Variants in JKAMP observed in about 807,000 individuals in gnomAD.
JKAMP encodes the protein JNK1/MAPK8 associated membrane protein.
In JKAMP, 20 loss-of-function variants were observed where a neutral mutation model predicts 40.2. The ratio of observed to expected loss-of-function variants is 0.50; its 90% CI spans 0.35 to 0.72. The LOEUF is 0.72. Among genes scored for constraint, JKAMP ranks in the 30% least tolerant of loss-of-function variants. The pLI, the probability that JKAMP is intolerant of heterozygous loss-of-function variation, is 0.01. For missense variants in JKAMP, 276 were observed against 373.0 expected (o/e 0.74, Z 2.14); for synonymous variants, 138 against 131.6 (o/e 1.05, Z -0.33).
chr14:59,485,042 A>G (rs750974785), intron 1 of JKAMP: 3 of 1,598,308 alleles, frequency 1.9e-6, no homozygotes, highest in Non-Finnish European at 8.5e-7. Flanking sequence ...ATGGAATCTT[A>G]AAACTTTAGC....
chr14:59,490,281 T>G (rs919364775), intron 3 of JKAMP, among the ~76,000 whole-genome samples: 2 of 152,198 alleles, frequency 1.3e-5, no homozygotes, highest in African/African-American at 4.8e-5. Context: ...ACTCACTCAT[T>G]ACTGTGAGCA....
intron 6 of JKAMP, among the ~76,000 whole-genome samples, chr14:59,502,050 G>C (rs1483178498): frequency 6.6e-6 from 1 of 152,094 alleles, no homozygotes; most frequent in East Asian, 1.9e-4. Flanking sequence ...AAGTAGTAGT[G>C]TATTTGACTC....
At chr14:59,503,731 T>TCAAA (rs1892122002) in intron 6 of JKAMP, 123 bp from the exon 7 acceptor site, 1 of 630,608 alleles carries the variant, frequency 1.6e-6, no homozygotes. Flanking sequence ...CTTTTTTAGC[T>TCAAA]CAAACATTTT....
At chr14:59,486,579 C>T in intron 1 of JKAMP, 134 bp from the exon 2 acceptor site, 1 of 652,916 alleles carries the variant, frequency 1.5e-6, no homozygotes, top group South Asian at 1.8e-5. Context: ...TTTAAAAATG[C>T]TTCAAGACTT....
Position 59,501,378 on chromosome 14 carries a change from T to C in JKAMP, c.717+111T>C. Reference sequence around the variant, plus strand: ...TACAACTAATTGTTTTAGTAATCTTTGGCTGATTGATGCCACTTGGTAGCT... The same window carrying C: ...TACAACTAATTGTTTTAGTAATCTTCGGCTGATTGATGCCACTTGGTAGCT... On this transcript the variant is annotated intron_variant, in intron 6 of 6. Transcript: ENST00000616435. The C allele has an allele frequency of 6.0e-6, 4 of 663,774 alleles. No individual in the cohort carries two copies. The South Asian group carries it at 8.5e-5, about 14-fold the overall frequency. The allele number at this position is 663,774 out of a possible 1,614,324, so 41.1% of individuals were successfully genotyped here. A position where few individuals can be genotyped will look rare whatever the true frequency, so the allele number is the denominator to read the frequency against.
chr14:59,484,777 C>A (rs929598614), intron 1 of JKAMP, 184 bp downstream of exon 1: 2 of 930,734 alleles, frequency 2.1e-6, no homozygotes, highest in Non-Finnish European at 1.6e-6. Flanking sequence ...CTGTCCGCAA[C>A]GGGCTACTAG....
intron 3 of JKAMP, among the ~76,000 whole-genome samples, chr14:59,491,786 TG>T (rs1343227471): frequency 6.6e-6 from 1 of 152,138 alleles, no homozygotes; most frequent in Non-Finnish European, 1.5e-5. Flanking sequence ...GGCAGGCAGT[TG>T]GGATGAGAGG....
chr14:59,494,198 GAAA>G (rs897154611), intron 3 of JKAMP, among the ~76,000 whole-genome samples: 1 of 149,578 alleles, frequency 6.7e-6, no homozygotes, highest in Non-Finnish European at 1.5e-5. Flanking sequence ...CTGCTAAGTA[GAAA>G]AAAAAATAAA....
intron 3 of JKAMP, among the ~76,000 whole-genome samples, chr14:59,491,339 T>G (rs1890986983): frequency 6.6e-6 from 1 of 152,146 alleles, no homozygotes; most frequent in Non-Finnish European, 1.5e-5. Flanking sequence ...AGACTCAAAA[T>G]TAGTTTAATG....
intron 3 of JKAMP, among the ~76,000 whole-genome samples, chr14:59,491,558 C>G (rs1382790090): frequency 6.6e-6 from 1 of 152,182 alleles, no homozygotes; most frequent in African/African-American, 2.4e-5. Context: ...TTTATGTTTT[C>G]AGTGTTTTCA....
rs796697193 is a variant in JKAMP, at chr14:59,502,773, T to TTTTTTTTTTTTTTTTTTTTTTTTTTG, written c.718-1081_718-1080insTTTTTTTTTTTTTTTTTTTTTTTTTG. ...AGATTTTTTTTTTTTTTTTTTTTTT[T>TTTTTTTTTTTTTTTTTTTTTTTTTTG]CGGAGTCTCACTCTGTCGCTTAGGC... On this transcript the variant is annotated intron_variant, in intron 6 of 6. Transcript: ENST00000616435. Among the ~76,000 whole-genome samples, 15 of 102,846 alleles carry TTTTTTTTTTTTTTTTTTTTTTTTTTG rather than the reference T, an allele frequency of 1.5e-4. 1 individual carries two copies. Among genetic ancestry groups the TTTTTTTTTTTTTTTTTTTTTTTTTTG allele is most frequent in the African/African-American group, 1.6e-4 (4 of 25,796 alleles). 67.5% of individuals were successfully genotyped at this position (102,846 alleles called of 152,430 possible). A position where few individuals can be genotyped will look rare whatever the true frequency, so the allele number is the denominator to read the frequency against.
rs930708229 is a variant in JKAMP at position 59,505,172 on chromosome 14, AAAGT to A, written c.*1105_*1108del. The A allele has an allele frequency of 1.8e-5, 14 of 762,074 alleles. No homozygotes were observed. Among genetic ancestry groups the A allele is most frequent in the Admixed American group, 1.8e-4 (6 of 32,722 alleles). The allele number at this position is 762,074 out of a possible 1,614,324, so 47.2% of individuals were successfully genotyped here. The stretch of plus-strand genomic sequence containing the variant: ...CTTCTATTAACAGCTGCAAAATATG[AAAGT>A]AAGTGCACTCACTTTTCCTGTAGTA... On this transcript the variant is annotated 3_prime_UTR_variant, in exon 7 of 7. Coordinates refer to ENST00000616435, the MANE Select transcript of JKAMP (RefSeq NM_016475.5).
intron 3 of JKAMP, among the ~76,000 whole-genome samples, chr14:59,490,274 C>A (rs966037280): frequency 6.6e-5 from 10 of 152,208 alleles, no homozygotes; most frequent in African/African-American, 2.4e-4. Flanking sequence ...AGTGAGAACT[C>A]ACTCATTACT....
intron 4 of JKAMP, among the ~76,000 whole-genome samples, chr14:59,496,153 A>T (rs1159730328): frequency 2.0e-5 from 3 of 152,044 alleles, no homozygotes; most frequent in African/African-American, 7.2e-5. Flanking sequence ...TGATCTACCC[A>T]CCTTGGCCTC....
intron 2 of JKAMP, 72 bp downstream of exon 2, chr14:59,486,876 A>T: frequency 9.6e-7 from 1 of 1,041,056 alleles, no homozygotes; most frequent in African/African-American, 1.6e-5. Flanking sequence ...CACATACAAC[A>T]TTTTTTGTTA....
chr14:59,501,176 AT>A lies in JKAMP; in HGVS notation c.641-14del, dbSNP rs1566582777. 1 of 1,504,106 alleles carries A rather than the reference AT, an allele frequency of 6.6e-7. No individual in the cohort carries two copies. 93.2% of individuals were successfully genotyped at this position (1,504,106 alleles called of 1,614,324 possible). ...TTGTTTCATTTCCAACATAATACCA[AT>A]GCTTATCTTTCAGATTACGCCTTCC... On this transcript the variant is annotated splice_polypyrimidine_tract_variant and intron_variant, in intron 5 of 6. Coordinates refer to ENST00000616435, the MANE Select transcript of JKAMP (RefSeq NM_016475.5).
intron 4 of JKAMP, among the ~76,000 whole-genome samples, chr14:59,496,599 C>T (rs2139894399): frequency 6.6e-6 from 1 of 152,224 alleles, no homozygotes; most frequent in South Asian, 2.1e-4. Flanking sequence ...ACTACCAACC[C>T]TCATCTGCAC....
intron 3 of JKAMP, among the ~76,000 whole-genome samples, chr14:59,488,235 A>T (rs1370026310): frequency 6.6e-6 from 1 of 152,080 alleles, no homozygotes; most frequent in Non-Finnish European, 1.5e-5. Context: ...ATATTAACAT[A>T]TTAAATCAGC....
At chr14:59,502,774 C>CAGA (rs1892028442) in intron 6 of JKAMP, among the ~76,000 whole-genome samples, 1 of 2,420 alleles carries the variant, frequency 4.1e-4, no homozygotes, top group African/African-American at 1.3e-3. Flanking sequence ...TTTTTTTTTT[C>CAGA]GGAGTCTCAC....
Sources: gnomAD v4.1 joint callset for allele counts (sites outside exome capture counted in the v4.1 genomes callset) on GRCh38, gnomAD v4.1.1 for gene constraint, MANE v1.5 for transcripts, NCBI Gene and HGNC (gene_info 2026-07-23, HGNC 2026-07-21) for gene names.